ATF7IP: variants seen among roughly 807,000 people sequenced by gnomAD.
The protein encoded by ATF7IP is activating transcription factor 7-interacting protein 1.
In ATF7IP, 23 loss-of-function variants were observed where a neutral mutation model predicts 106.4. The observed-to-expected ratio is 0.22, with a 90% confidence interval of 0.16 to 0.31. The LOEUF is 0.31. Ranked by LOEUF, ATF7IP falls within the 10% of genes least tolerant of loss-of-function variation. The pLI is 1.00. For missense variants in ATF7IP, 1,334 were observed against 1,524.3 expected, an observed-to-expected ratio of 0.88 and a Z score of 2.08; for synonymous variants, 542 against 539.0, an observed-to-expected ratio of 1.01 and a Z score of -0.08.
intron 11 of ATF7IP, 22 bp from the exon 12 acceptor site, chr12:14,478,295 A>G (rs1232290468): frequency 6.2e-7 from 1 of 1,609,498 alleles, no homozygotes; most frequent in Non-Finnish European, 8.5e-7. Context: ...GTCAGTCATA[A>G]TATTTCACTT....
intron 4 of ATF7IP, among the ~76,000 whole-genome samples, chr12:14,437,775 C>T (rs1204267319): frequency 2.0e-5 from 3 of 152,146 alleles, no homozygotes; most frequent in East Asian, 1.9e-4. Flanking sequence ...ATTTACTGGC[C>T]GGGCGCGGTG....
At chr12:14,428,855 A>C (rs75383020) in intron 2 of ATF7IP, among the ~76,000 whole-genome samples, 5,086 of 152,308 alleles carry the variant, frequency 0.033, 149 homozygotes, top group African/African-American at 0.074. Flanking sequence ...AGAACTAAAA[A>C]AGTGTTGCAT....
intron 3 of ATF7IP, among the ~76,000 whole-genome samples, chr12:14,435,295 A>G (rs564163901): frequency 3.9e-5 from 6 of 152,330 alleles, no homozygotes; most frequent in Middle Eastern, 3.4e-3. Flanking sequence ...GCTGCTATCC[A>G]TATATGACCA....
rs779642096 is a variant in ATF7IP, at chr12:14,424,252, T to C, written c.337T>C (p.Ser113Pro). 2.5e-6 allele frequency: 4 copies of C among 1,614,150 alleles called. No homozygotes were observed. Among genetic ancestry groups the C allele is most frequent in the Non-Finnish European group, 3.4e-6 (4 of 1,180,026 alleles). The change falls in exon 2 of 15, where the codon TCT (serine) becomes CCT (proline). Residue 113 changes from serine to proline, a missense_variant. Around this residue, in one of 10 missense-constraint regions of ATF7IP, gnomAD observed 438 missense variants for 405.3 expected, o/e 1.08. Transcript: ENST00000261168. The part of the protein sequence containing the change: ...QDDDLNCEPL[S>P]PHNITPEPVS... ...TGATGATTTAAATTGTGAACCTTTG[T>C]CTCCCCATAATATAACTCCAGAACC...
intron 1 of ATF7IP, among the ~76,000 whole-genome samples, chr12:14,400,535 G>A (rs1027632801): frequency 3.9e-5 from 6 of 151,946 alleles, no homozygotes; most frequent in Non-Finnish European, 7.4e-5. Context: ...CAAGAGTTCT[G>A]CTTTTTTGGT....
At chr12:14,414,718 G>A (rs1941113642) in intron 1 of ATF7IP, among the ~76,000 whole-genome samples, 1 of 152,120 alleles carries the variant, frequency 6.6e-6, no homozygotes, top group Non-Finnish European at 1.5e-5. Context: ...AAATTTTATT[G>A]TTGTTGCTGC....
At chr12:14,403,109 C>T (rs1329134109) in intron 1 of ATF7IP, among the ~76,000 whole-genome samples, 1 of 151,948 alleles carries the variant, frequency 6.6e-6, no homozygotes, top group Non-Finnish European at 1.5e-5. Context: ...TTGAAGTGAT[C>T]TTTATCAGCT....
chr12:14,481,865 A>T (rs763894844), intron 13 of ATF7IP: 6 of 163,432 alleles, frequency 3.7e-5, no homozygotes, highest in Non-Finnish European at 6.7e-5. Flanking sequence ...TGAGAAAAGA[A>T]GGGAAAATGT....
intron 1 of ATF7IP, among the ~76,000 whole-genome samples, chr12:14,400,048 A>G (rs1265824923): frequency 6.6e-6 from 1 of 151,986 alleles, no homozygotes; most frequent in South Asian, 2.1e-4. Context: ...GCCCTGGTTT[A>G]GCACTAGCAT....
chr12:14,494,495 G>A (rs1027088781), intron 13 of ATF7IP, among the ~76,000 whole-genome samples: 1 of 142,012 alleles, frequency 7.0e-6, no homozygotes. Context: ...TAAACTAATT[G>A]TATATATACT....
At chr12:14,491,443 AGATT>A (rs1944820480) in intron 13 of ATF7IP, among the ~76,000 whole-genome samples, 1 of 152,212 alleles carries the variant, frequency 6.6e-6, no homozygotes, top group African/African-American at 2.4e-5. Context: ...GAATTTGGTC[AGATT>A]TATTTCCCAT....
chr12:14,407,447 T>C (rs1940656306), intron 1 of ATF7IP, among the ~76,000 whole-genome samples: 1 of 152,118 alleles, frequency 6.6e-6, no homozygotes, highest in African/African-American at 2.4e-5. Flanking sequence ...TACTGATCTG[T>C]AATCCTCTTC....
chr12:14,415,767 A>G (rs745552575), intron 1 of ATF7IP, among the ~76,000 whole-genome samples: 4 of 151,794 alleles, frequency 2.6e-5, no homozygotes, highest in South Asian at 2.1e-4. Context: ...GTAGCTGACA[A>G]TGCAACAGTG....
rs187954967 is a variant in ATF7IP, at chr12:14,455,468, A to C, written c.1996-1093A>C. ...AAAGTAGCAAGATGTATTTGTTGTT[A>C]AGAAGAGTGATTAATGGCATCTGCT... is the stretch of plus-strand genomic sequence containing the variant. On this transcript the variant is annotated intron_variant, in intron 6 of 14. Transcript: ENST00000261168. Among the ~76,000 whole-genome samples the C allele has an allele frequency of 2.4e-3, 363 of 152,330 alleles. 2 individuals carry two copies. The highest frequency in any genetic ancestry group is 8.4e-3 in the African/African-American group (350 of 41,580).
At chr12:14,469,518 CATATAATTTA>C (rs1943959933) in intron 10 of ATF7IP, among the ~76,000 whole-genome samples, 2 of 151,536 alleles carry the variant, frequency 1.3e-5, no homozygotes, top group South Asian at 4.2e-4. Flanking sequence ...TAACATATTG[CATATAATTTA>C]TTATTGTATA....
At chr12:14,478,163 A>G (rs1426704719) in intron 11 of ATF7IP, among the ~76,000 whole-genome samples, 154 bp from the exon 12 acceptor site, 1 of 152,240 alleles carries the variant, frequency 6.6e-6, no homozygotes, top group Non-Finnish European at 1.5e-5. Context: ...CAAATCAGCA[A>G]AAATACACGT....
intron 13 of ATF7IP, among the ~76,000 whole-genome samples, chr12:14,493,225 T>C (rs1212341661): frequency 1.3e-5 from 2 of 152,174 alleles, no homozygotes; most frequent in African/African-American, 4.8e-5. Flanking sequence ...CCTTCCACCA[T>C]AATCTCATAC....
At chr12:14,381,258 G>A (rs79960428) in intron 1 of ATF7IP, among the ~76,000 whole-genome samples, 17 of 152,134 alleles carry the variant, frequency 1.1e-4, no homozygotes, top group African/African-American at 4.1e-4. Context: ...TTGAGACAGA[G>A]TCTCATTCGG....
In ATF7IP at chr12:14,501,027, C is replaced by T. The variant is rs1299062592; in HGVS notation, c.*2954C>T. ...AGGGGCAGCAGCTATATTAGATTTA[C>T]TAGAGGTGCTAAGTTAGAACACTAG... On this transcript the variant is annotated 3_prime_UTR_variant, in exon 15 of 15. Coordinates refer to ENST00000261168, the MANE Select transcript of ATF7IP (RefSeq NM_018179.5). 1 of 152,156 alleles carries T rather than the reference C, an allele frequency of 6.6e-6. No individual in the cohort carries two copies. The highest frequency in any genetic ancestry group is 1.9e-4 in the East Asian group (1 of 5,196). 9.4% of individuals were successfully genotyped at this position (152,156 alleles called of 1,614,324 possible). A position where few individuals can be genotyped will look rare whatever the true frequency, so the allele number is the denominator to read the frequency against.
Sources: allele counts gnomAD v4.1 joint callset (sites outside exome capture counted in the v4.1 genomes callset), GRCh38; gene constraint gnomAD v4.1.1; regional missense constraint gnomAD v4.1.1; transcripts MANE v1.5; gene names NCBI Gene and HGNC (gene_info 2026-07-23, HGNC 2026-07-21).